ZNF343: variants seen among roughly 807,000 people sequenced by gnomAD.
The protein encoded by ZNF343 is zinc finger protein 343.
ZNF343 carries 11 observed loss-of-function variants against 13.8 expected under a neutral mutation model. The observed-to-expected ratio is 0.80, with a 90% CI of 0.50 to 1.32. The LOEUF (loss-of-function observed/expected upper bound fraction) is 1.32, where lower values mean the gene tolerates loss of function less well. ZNF343 is among the 40% of genes most tolerant of loss of function. The pLI is 0.00. For missense variants in ZNF343, 658 were observed against 714.2 expected, an observed-to-expected ratio of 0.92 and a Z score of 0.90; for synonymous variants, 248 against 260.0, an observed-to-expected ratio of 0.95 and a Z score of 0.44.
chr20:2,517,423 A>G (rs933842245), intron 1 of ZNF343, among the ~76,000 whole-genome samples: 1 of 152,020 alleles, frequency 6.6e-6, no homozygotes, highest in Non-Finnish European at 1.5e-5. Context: ...ACACACATAT[A>G]CATATACCAG....
chr20:2,524,499 T>G (rs1160134057), exon 1 of ZNF343: 3 of 152,758 alleles, frequency 2.0e-5, no homozygotes, highest in African/African-American at 7.2e-5. Flanking sequence ...GTCCCCCCAC[T>G]GCCTGCCCCT....
rs2085169333 is a variant in ZNF343, at chr20:2,481,922, G to A, written c.*1239C>T. 1 of 152,172 alleles carries A rather than the reference G, an allele frequency of 6.6e-6. No homozygotes were observed. Among genetic ancestry groups the A allele is most frequent in the Non-Finnish European group, 1.5e-5 (1 of 68,040 alleles). The allele number at this position is 152,172 out of a possible 1,614,324, so 9.4% of individuals were successfully genotyped here. A position where few individuals can be genotyped will look rare whatever the true frequency, so the allele number is the denominator to read the frequency against. ...ACTGCCATCTTCGCTCACATACAGA[G>A]TACATGGGGGAGTCAAGACATTTCC... is the stretch of plus-strand genomic sequence containing the variant. On this transcript the variant is annotated 3_prime_UTR_variant, in exon 6 of 6. Coordinates refer to ENST00000278772, the MANE Select transcript of ZNF343 (RefSeq NM_024325.6).
At chr20:2,493,710 A>G (rs972244747) in intron 3 of ZNF343, 68 bp downstream of exon 3, 1 of 1,454,172 alleles carries the variant, frequency 6.9e-7, no homozygotes, top group Non-Finnish European at 9.6e-7. Context: ...TGACCTCTGA[A>G]GCATTTTCAG....
rs777222955 is a variant in ZNF343, at chr20:2,484,039, G to A, written c.922C>T (p.Gln308Ter). The A allele has an allele frequency of 6.2e-7, 1 of 1,613,820 alleles. No individual in the cohort carries two copies. The highest frequency in any genetic ancestry group is 2.2e-5 in the East Asian group (1 of 44,872). Residue 308 changes from glutamine to a stop codon, truncating the protein, a stop_gained, in exon 6 of 6, where the codon CAG (glutamine) becomes TAG (stop). Transcript: ENST00000278772. LOFTEE classifies it low-confidence loss of function (END_TRUNC). ...VCSECGRGFS[Q>*]KSNLSRHQRT... ...TGGTGTCTGCTGAGGTTGGACTTCT[G>A]GCTAAAACCTCGCCCGCACTCACTG...
Position 2,514,503 on chromosome 20 carries a change from C to T in ZNF343, c.-347+9952G>A, listed in dbSNP as rs2085750847. ...TATAAGCAATTATAGTGAATCAAAG[C>T]AGTATTTGTGTAAATGAGCCCATAG... On this transcript the variant is annotated intron_variant, in intron 1 of 6. Transcript: ENST00000358413. 1.3e-5 allele frequency among the ~76,000 whole-genome samples: 2 copies of T among 152,138 alleles called. 1 individual carries two copies. The highest frequency in any genetic ancestry group is 1.3e-4 in the Admixed American group (2 of 15,266).
At chr20:2,499,657 A>G (rs1170131621) in intron 2 of ZNF343, among the ~76,000 whole-genome samples, 1 of 152,088 alleles carries the variant, frequency 6.6e-6, no homozygotes, top group African/African-American at 2.4e-5. Flanking sequence ...GGGGTATTCC[A>G]AGGTAGAATT....
chr20:2,485,649 G>A (rs1473281476), intron 5 of ZNF343, among the ~76,000 whole-genome samples: 1 of 152,204 alleles, frequency 6.6e-6, no homozygotes, highest in Non-Finnish European at 1.5e-5. Flanking sequence ...ACTATACAGT[G>A]AATTTCTTCA....
intron 5 of ZNF343, among the ~76,000 whole-genome samples, chr20:2,486,000 A>G (rs539146543): frequency 2.9e-4 from 44 of 152,354 alleles, no homozygotes; most frequent in African/African-American, 9.1e-4. Flanking sequence ...GTCATCTCTT[A>G]TAAGACTTGT....
At chr20:2,515,349 T>G (rs968824924) in intron 1 of ZNF343, among the ~76,000 whole-genome samples, 2 of 152,238 alleles carry the variant, frequency 1.3e-5, no homozygotes, top group African/African-American at 4.8e-5. Context: ...GAATCCCATA[T>G]TGTTCTTAAT....
At chr20:2,520,085 TTAATC>T (rs1159682240) in intron 1 of ZNF343, among the ~76,000 whole-genome samples, 2 of 152,192 alleles carry the variant, frequency 1.3e-5, no homozygotes, top group African/African-American at 2.4e-5. Context: ...TGTACATAGT[TTAATC>T]TATATTTCTA....
rs189456431 is a variant in ZNF343 at position 2,492,889 on chromosome 20, C to T, written c.178-64G>A. Reference sequence around the variant, plus strand: ...ATCAATCTTCCCTGTGTGTGGAGCACAGCTGGTGACCCTGGAGAGCCTGGA... The same window carrying T: ...ATCAATCTTCCCTGTGTGTGGAGCATAGCTGGTGACCCTGGAGAGCCTGGA... On this transcript the variant is annotated intron_variant, in intron 4 of 5. Transcript: ENST00000278772. 4.4e-6 allele frequency: 7 copies of T among 1,597,830 alleles called. No individual in the cohort carries two copies. In the African/African-American group the frequency reaches 5.4e-5, roughly 12 times the overall value.
chr20:2,524,999 G>A (rs6049764), upstream of ZNF343, among the ~76,000 whole-genome samples: 16,632 of 152,170 alleles, frequency 0.11, 968 homozygotes, highest in South Asian at 0.16. Context: ...CCGGCTTCCC[G>A]CTCCTGAGGC....
intron 1 of ZNF343, among the ~76,000 whole-genome samples, chr20:2,524,008 G>A (rs2085794278): frequency 6.7e-6 from 1 of 149,412 alleles, no homozygotes; most frequent in Non-Finnish European, 1.5e-5. Context: ...ATCGAAGTGT[G>A]ATTCTGAGCC....
chr20:2,499,464 C>CAAAAAA (rs35155995), intron 2 of ZNF343, among the ~76,000 whole-genome samples: 127 of 66,494 alleles, frequency 1.9e-3, no homozygotes, highest in Middle Eastern at 0.022. Context: ...GACTCCGTCT[C>CAAAAAA]AAAAAAAAAA....
rs527547081 is a variant in ZNF343, at chr20:2,518,217, A to G, written c.-347+6238T>C. Among the ~76,000 whole-genome samples the G allele has an allele frequency of 9.2e-5, 14 of 152,124 alleles. No individual in the cohort carries two copies. Among genetic ancestry groups the G allele is most frequent in the African/African-American group, 2.2e-4 (9 of 41,504 alleles). ...TTTTTAGTAGAGACGTAGTTTCGCC[A>G]TGTTGACCAGGCTTGTCTTGAACTC... On this transcript the variant is annotated intron_variant, in intron 1 of 6. Transcript: ENST00000358413. The surrounding 1 kb of genome is among the most constrained non-coding windows in gnomAD (Gnocchi z 4.6).
upstream of ZNF343, among the ~76,000 whole-genome samples, chr20:2,509,542 C>T (rs1279414576): frequency 6.6e-6 from 1 of 152,206 alleles, no homozygotes; most frequent in African/African-American, 2.4e-5. Flanking sequence ...GTCTGGCTCT[C>T]TGGCCTCTTA....
intron 4 of ZNF343, 60 bp from the exon 5 acceptor site, chr20:2,492,885 A>C (rs2085390582): frequency 6.2e-7 from 1 of 1,601,470 alleles, no homozygotes; most frequent in African/African-American, 1.3e-5. Context: ...CTGTGTGTGG[A>C]GCACAGCTGG....
Position 2,482,973 on chromosome 20 carries a change from C to T in ZNF343, c.*188G>A. 1.5e-6 allele frequency: 1 copy of T among 681,098 alleles called. No individual in the cohort carries two copies. The highest frequency in any genetic ancestry group is 2.4e-6 in the Non-Finnish European group (1 of 412,272). The allele number at this position is 681,098 out of a possible 1,614,324, so 42.2% of individuals were successfully genotyped here. A position where few individuals can be genotyped will look rare whatever the true frequency, so the allele number is the denominator to read the frequency against. On this transcript the variant is annotated 3_prime_UTR_variant, in exon 6 of 6. Transcript: ENST00000278772. Reference sequence around the variant, plus strand: ...ACTGATGGCTACAGTTGCCCGTACTCTATACTCATAAGGCTCCTCTCCTGA... The same window carrying T: ...ACTGATGGCTACAGTTGCCCGTACTTTATACTCATAAGGCTCCTCTCCTGA...
intron 2 of ZNF343, among the ~76,000 whole-genome samples, chr20:2,496,645 A>G (rs1307141089): frequency 6.6e-6 from 1 of 152,156 alleles, no homozygotes; most frequent in East Asian, 1.9e-4. Context: ...GTGGGAGATA[A>G]TGGTGGTTTG....
Sources: allele counts gnomAD v4.1 joint callset (sites outside exome capture counted in the v4.1 genomes callset), GRCh38; gene constraint gnomAD v4.1.1; non-coding constraint Gnocchi (gnomAD v3.1); transcripts MANE v1.5; gene names NCBI Gene and HGNC (gene_info 2026-07-23, HGNC 2026-07-21).